The following PHACTR4 variants were observed in gnomAD, a reference collection of about 807,000 sequenced individuals.
PHACTR4 encodes the protein protein phosphatase 1, regulatory subunit 124.
Under a neutral mutation model 72.7 loss-of-function variants are expected in PHACTR4, and 51 were observed. The observed-to-expected ratio is 0.70, with a 90% CI of 0.56 to 0.89. The LOEUF (loss-of-function observed/expected upper bound fraction) is 0.89, where lower values mean the gene tolerates loss of function less well. Among genes scored for constraint, PHACTR4 ranks in the 40% least tolerant of loss-of-function variants. The probability of loss-of-function intolerance (pLI) is 0.00; values close to 1 mark genes in which losing one functional copy is unlikely to be tolerated. For missense variants in PHACTR4, 731 were observed against 861.8 expected (o/e 0.85, Z 1.90); for synonymous variants, 255 against 302.5 (o/e 0.84, Z 1.63).
chr1:28,497,729 A>C lies in PHACTR4; in HGVS notation c.*1180A>C, dbSNP rs1473649253. On this transcript the variant is annotated 3_prime_UTR_variant, in exon 14 of 14. Coordinates refer to ENST00000373839, the MANE Select transcript of PHACTR4 (RefSeq NM_001048183.3). ...AAGCCTTAGCCAGATTCAGTGGCTC[A>C]CGCCTGTAATCCCAACACTTTGGGA... 1 of 148,628 alleles carries C rather than the reference A, an allele frequency of 6.7e-6. No individual in the cohort carries two copies. Among genetic ancestry groups the C allele is most frequent in the Admixed American group, 6.8e-5 (1 of 14,702 alleles). 9.2% of individuals were successfully genotyped at this position (148,628 alleles called of 1,614,324 possible). A position where few individuals can be genotyped will look rare whatever the true frequency, so the allele number is the denominator to read the frequency against.
chr1:28,480,491 A>G lies in PHACTR4; in HGVS notation c.1647A>G (p.Ala549=). The G allele has an allele frequency of 6.2e-7, 1 of 1,614,134 alleles. No individual in the cohort carries two copies. Among genetic ancestry groups the G allele is most frequent in the Non-Finnish European group, 8.5e-7 (1 of 1,180,006 alleles). ...ANKVKRKDTL[A]MKLNHRPSEP... The stretch of plus-strand genomic sequence containing the variant: ...AAGTGAAGAGGAAAGACACACTGGC[A>G]ATGAAGTTGAACCACAGACCCAGTG... The change falls in exon 9 of 14, where the codon GCA becomes GCG. Residue 549 remains alanine, a synonymous_variant. Transcript: ENST00000373839.
intron 1 of PHACTR4, among the ~76,000 whole-genome samples, chr1:28,375,192 G>T (rs1173486788): frequency 6.6e-6 from 1 of 152,080 alleles, no homozygotes; most frequent in African/African-American, 2.4e-5. Flanking sequence ...TCAGTTACTT[G>T]GGAGGCTGAG....
chr1:28,427,625 T>A (rs1001495213), intron 2 of PHACTR4, among the ~76,000 whole-genome samples: 11 of 152,210 alleles, frequency 7.2e-5, no homozygotes, highest in African/African-American at 2.7e-4. Context: ...CACTTATACA[T>A]CATCTTCCCA....
chr1:28,381,454 A>C (rs1332403170), intron 1 of PHACTR4, among the ~76,000 whole-genome samples: 1 of 151,512 alleles, frequency 6.6e-6, no homozygotes, highest in Non-Finnish European at 1.5e-5. Context: ...GCATGCCACC[A>C]CGCCTGGCTA....
Position 28,492,884 on chromosome 1 carries a change from C to T in PHACTR4, c.2017-131C>T, listed in dbSNP as rs1183544739. 3 of 659,274 alleles carry T rather than the reference C, an allele frequency of 4.6e-6. No individual in the cohort carries two copies. The East Asian group carries it at 7.7e-5, about 17-fold the overall frequency. 40.8% of individuals were successfully genotyped at this position (659,274 alleles called of 1,614,324 possible). On this transcript the variant is annotated intron_variant, in intron 12 of 13. Transcript: ENST00000373839. ...AGACAGATGGGTATCATTGTGTTGACCTGGTGTCTGGGTTGCCTGTGAGGG... is the reference window on the plus strand; with the variant it reads ...AGACAGATGGGTATCATTGTGTTGATCTGGTGTCTGGGTTGCCTGTGAGGG...
chr1:28,468,417 G>A (rs1233670056), intron 6 of PHACTR4, among the ~76,000 whole-genome samples: 8 of 151,782 alleles, frequency 5.3e-5, no homozygotes, highest in African/African-American at 1.2e-4. Flanking sequence ...ATGGTGAAAC[G>A]CCATCTCTAC....
intron 2 of PHACTR4, chr1:28,438,411 G>A (rs920172448): frequency 9.9e-6 from 16 of 1,612,714 alleles, no homozygotes; most frequent in Non-Finnish European, 1.3e-5. Context: ...TCTCCAGACC[G>A]GTAAATCCAG....
intron 2 of PHACTR4, among the ~76,000 whole-genome samples, chr1:28,451,726 C>T (rs1162224926): frequency 6.6e-6 from 1 of 152,138 alleles, no homozygotes; most frequent in African/African-American, 2.4e-5. Flanking sequence ...TCACTACAGC[C>T]TCAACCTCCT....
At chr1:28,384,398 T>A (rs1365748386) in intron 1 of PHACTR4, among the ~76,000 whole-genome samples, 1 of 152,146 alleles carries the variant, frequency 6.6e-6, no homozygotes, top group African/African-American at 2.4e-5. Context: ...TGGGAGGGTG[T>A]ATGTGTCTAG....
chr1:28,394,377 AAAAAG>A lies in PHACTR4; in HGVS notation c.-38-13024_-38-13020del, dbSNP rs564743061. ...GGAAAGGAAGAAAGAAAAAAAGAAA[AAAAAG>A]AAAAGAAATCCTCCTGACTTATCAT... On this transcript the variant is annotated intron_variant, in intron 1 of 13. Coordinates refer to ENST00000373839, the MANE Select transcript of PHACTR4 (RefSeq NM_001048183.3). Among the ~76,000 whole-genome samples the A allele has an allele frequency of 6.4e-3, 979 of 152,114 alleles. 11 individuals carry two copies. The highest frequency in any genetic ancestry group is 0.022 in the African/African-American group (914 of 41,546).
rs189393989 is a variant in PHACTR4, at chr1:28,387,682, T to G, written c.-39+17857T>G. On this transcript the variant is annotated intron_variant, in intron 1 of 13. Transcript: ENST00000373839. ...CTGGAGGATTGCCTGAGGCTAGGAG[T>G]TTGAGACCAGCCTGGGCAGCATAGC... 1.5e-3 allele frequency among the ~76,000 whole-genome samples: 227 copies of G among 152,000 alleles called. 1 individual carries two copies. The highest frequency in any genetic ancestry group is 4.8e-3 in the African/African-American group (199 of 41,494).
At chr1:28,408,389 A>G (rs1190636734) in intron 2 of PHACTR4, among the ~76,000 whole-genome samples, 2 of 151,870 alleles carry the variant, frequency 1.3e-5, no homozygotes, top group East Asian at 3.9e-4. Flanking sequence ...GTGAAACCCC[A>G]TCTACTAAAA....
chr1:28,465,650 A>T (rs1354825443), intron 4 of PHACTR4, 35 bp from the exon 5 acceptor site: 1 of 1,581,466 alleles, frequency 6.3e-7, no homozygotes, highest in Non-Finnish European at 8.6e-7. Context: ...GTTCATGCCA[A>T]CTTCATCACT....
rs1055700841 is a variant in PHACTR4, at chr1:28,498,622, T to C, written c.*2073T>C. ...GTTTAATCTGATGAATGTGGCTTTT[T>C]TTCCCTTCACTTTAATGTTCAAGAA... On this transcript the variant is annotated 3_prime_UTR_variant, in exon 14 of 14. Transcript: ENST00000373839. The C allele has an allele frequency of 1.3e-5, 2 of 152,242 alleles. No homozygotes were observed. The highest frequency in any genetic ancestry group is 2.9e-5 in the Non-Finnish European group (2 of 68,048). 9.4% of individuals were successfully genotyped at this position (152,242 alleles called of 1,614,324 possible).
At chr1:28,395,512 G>GT (rs1192063201) in intron 1 of PHACTR4, among the ~76,000 whole-genome samples, 1 of 151,856 alleles carries the variant, frequency 6.6e-6, no homozygotes, top group Non-Finnish European at 1.5e-5. Flanking sequence ...GAAGTACTAT[G>GT]TTTAACAAAG....
At chr1:28,409,844 C>A (rs184927724) in intron 2 of PHACTR4, among the ~76,000 whole-genome samples, 2 of 151,908 alleles carry the variant, frequency 1.3e-5, no homozygotes, top group African/African-American at 4.8e-5. Flanking sequence ...TTCTTTCCCC[C>A]CTGAAGAGTA....
At chr1:28,382,549 C>T (rs1012048564) in intron 1 of PHACTR4, among the ~76,000 whole-genome samples, 4 of 151,222 alleles carry the variant, frequency 2.6e-5, no homozygotes, top group African/African-American at 9.7e-5. Flanking sequence ...GTGATCCGCC[C>T]GCCTCAGCCT....
At chr1:28,462,439 C>T (rs1229220617) in intron 4 of PHACTR4, among the ~76,000 whole-genome samples, 1 of 152,126 alleles carries the variant, frequency 6.6e-6, no homozygotes, top group East Asian at 1.9e-4. Context: ...TTGCCCTACA[C>T]TCACGGCAAC....
chr1:28,408,088 C>T (rs1654488703), intron 2 of PHACTR4, among the ~76,000 whole-genome samples: 1 of 152,172 alleles, frequency 6.6e-6, no homozygotes, highest in Non-Finnish European at 1.5e-5. Context: ...CCACTGCGCT[C>T]CATCCTGGGC....
Sources: gnomAD v4.1 joint callset for allele counts (sites outside exome capture counted in the v4.1 genomes callset) on GRCh38, gnomAD v4.1.1 for gene constraint, MANE v1.5 for transcripts, NCBI Gene and HGNC (gene_info 2026-07-23, HGNC 2026-07-21) for gene names.